The following PAPSS1 variants were observed in gnomAD, a reference collection of about 807,000 sequenced individuals.
PAPSS1 encodes 3'-phosphoadenosine 5'-phosphosulfate synthase 1, also known as bifunctional 3'-phosphoadenosine 5'-phosphosulfate synthase 1.
Under a neutral mutation model 72.0 loss-of-function variants are expected in PAPSS1, and 50 were observed. The observed-to-expected ratio is 0.69, with a 90% CI of 0.55 to 0.88. The LOEUF is 0.88. Among genes scored for constraint, PAPSS1 ranks in the 40% least tolerant of loss-of-function variants. PAPSS1 has a pLI of 0.00. For missense variants in PAPSS1, 657 were observed against 782.2 expected (o/e 0.84, Z 1.91); for synonymous variants, 261 against 263.6 (o/e 0.99, Z 0.09).
At chr4:107,704,551 ATCATAAAAGGT>A (rs1302549045) in intron 1 of PAPSS1, among the ~76,000 whole-genome samples, 2 of 152,196 alleles carry the variant, frequency 1.3e-5, no homozygotes, top group African/African-American at 4.8e-5. Flanking sequence ...GAGAGTTTTT[ATCATAAAAGGT>A]TAATGAACTC....
chr4:107,653,084 A>AAT (rs1189418947), intron 9 of PAPSS1, among the ~76,000 whole-genome samples: 14 of 148,872 alleles, frequency 9.4e-5, no homozygotes, highest in South Asian at 8.4e-4. Context: ...TACATATATG[A>AAT]ATATATATGA....
At position 107,613,831 on chromosome 4, in the gene PAPSS1, A is replaced by C. The variant is rs1186156323; in HGVS notation, c.*418T>G. 6.5e-6 allele frequency: 1 copy of C among 152,826 alleles called. No homozygotes were observed. Among genetic ancestry groups the C allele is most frequent in the Non-Finnish European group, 1.5e-5 (1 of 68,504 alleles). The allele number at this position is 152,826 out of a possible 1,614,324, so 9.5% of individuals were successfully genotyped here. A position where few individuals can be genotyped will look rare whatever the true frequency, so the allele number is the denominator to read the frequency against. Reference sequence around the variant, plus strand: ...TGTAGAAAAAAAATCTAATCGCTACAAAGGTCTTGTAAAATCCTCAAAACA... The same window carrying C: ...TGTAGAAAAAAAATCTAATCGCTACCAAGGTCTTGTAAAATCCTCAAAACA... On this transcript the variant is annotated 3_prime_UTR_variant, in exon 12 of 12. Coordinates refer to ENST00000265174, the MANE Select transcript of PAPSS1 (RefSeq NM_005443.5).
At chr4:107,665,416 C>G (rs954533620) in intron 5 of PAPSS1, among the ~76,000 whole-genome samples, 2 of 152,222 alleles carry the variant, frequency 1.3e-5, no homozygotes, top group Admixed American at 6.5e-5. Context: ...AGGATTTCCA[C>G]AGACACAGCT....
At chr4:107,697,555 G>A (rs1318129544) in intron 2 of PAPSS1, among the ~76,000 whole-genome samples, 1 of 152,128 alleles carries the variant, frequency 6.6e-6, no homozygotes, top group African/African-American at 2.4e-5. Context: ...ATACATACAT[G>A]TGTATTTATA....
intron 10 of PAPSS1, among the ~76,000 whole-genome samples, chr4:107,642,582 G>C (rs983329006): frequency 1.9e-4 from 29 of 152,168 alleles, no homozygotes; most frequent in Non-Finnish European, 3.4e-4. Flanking sequence ...AAAGCATTCA[G>C]AATATTGTCT....
rs1303470153 is a variant in PAPSS1 at position 107,614,255 on chromosome 4, T to C, written c.1869A>G (p.Lys623=). ...GAGTGACTGGGTTAACAGCCTAAGC[T>C]TTCTCCAAGGATTTGTAGTATTCTG... is the stretch of plus-strand genomic sequence containing the variant. ...VLTEYYKSLE[K]A is the part of the protein sequence containing the mutation. Residue 623 remains lysine (K), a synonymous_variant, in exon 12 of 12, where the codon AAA becomes AAG. Coordinates refer to ENST00000265174, the MANE Select transcript of PAPSS1 (RefSeq NM_005443.5). 2 of 1,613,324 alleles carry C rather than the reference T, an allele frequency of 1.2e-6. No homozygotes were observed. Among genetic ancestry groups the C allele is most frequent in the East Asian group, 2.2e-5 (1 of 44,842 alleles).
At chr4:107,670,260 A>G (rs563182821) in intron 5 of PAPSS1, among the ~76,000 whole-genome samples, 24 of 152,346 alleles carry the variant, frequency 1.6e-4, no homozygotes, top group Admixed American at 3.3e-4. Flanking sequence ...AAACTGTCCA[A>G]TCATCAGATT....
intron 11 of PAPSS1, 108 bp from the exon 12 acceptor site, chr4:107,614,495 T>A (rs188228280): frequency 1.4e-6 from 1 of 734,470 alleles, no homozygotes; most frequent in Non-Finnish European, 2.2e-6. Context: ...GAAAAAAAAA[T>A]ACTGAACATA....
intron 7 of PAPSS1, among the ~76,000 whole-genome samples, 172 bp from the exon 8 acceptor site, chr4:107,655,072 A>C (rs1324588194): frequency 6.6e-6 from 1 of 151,020 alleles, no homozygotes; most frequent in Non-Finnish European, 1.5e-5. Context: ...ACAAGCTATA[A>C]GGTCAGGGAG....
chr4:107,710,341 A>T (rs1205078280), intron 1 of PAPSS1, among the ~76,000 whole-genome samples: 5 of 152,140 alleles, frequency 3.3e-5, no homozygotes, highest in Non-Finnish European at 5.9e-5. Context: ...TATCTGGCTC[A>T]GTGTAAGTAT....
At chr4:107,690,466 A>G (rs1290207213) in intron 3 of PAPSS1, among the ~76,000 whole-genome samples, 2 of 152,164 alleles carry the variant, frequency 1.3e-5, no homozygotes, top group African/African-American at 2.4e-5. Context: ...TGATTCTCTC[A>G]TAACACCTTT....
At chr4:107,691,029 T>C (rs1318410307) in intron 3 of PAPSS1, among the ~76,000 whole-genome samples, 1 of 152,206 alleles carries the variant, frequency 6.6e-6, no homozygotes, top group Non-Finnish European at 1.5e-5. Context: ...TTATACACTT[T>C]AAACTGATAT....
chr4:107,656,201 C>T (rs1358547694), intron 7 of PAPSS1, among the ~76,000 whole-genome samples: 1 of 152,076 alleles, frequency 6.6e-6, no homozygotes, highest in Non-Finnish European at 1.5e-5. Flanking sequence ...CCACACCCTC[C>T]ACTTCCTAGG....
rs1723116003 is a variant in PAPSS1, at chr4:107,698,126, T to C, written c.175+3045A>G. Among the ~76,000 whole-genome samples the C allele has an allele frequency of 1.3e-5, 2 of 152,140 alleles. 1 individual carries two copies. Among genetic ancestry groups the C allele is most frequent in the South Asian group, 4.1e-4 (2 of 4,830 alleles). ...TTATGGCAGCCCTGGGAAGTTAATA[T>C]ACCAACCAATGTAGAAACACAAAAC... On this transcript the variant is annotated intron_variant, in intron 2 of 11. Coordinates refer to ENST00000265174, the MANE Select transcript of PAPSS1 (RefSeq NM_005443.5).
At chr4:107,641,147 T>C (rs1726530287) in intron 10 of PAPSS1, among the ~76,000 whole-genome samples, 1 of 152,198 alleles carries the variant, frequency 6.6e-6, no homozygotes, top group South Asian at 2.1e-4. Flanking sequence ...AGGCCTGCAT[T>C]GCCCAACTGT....
intron 2 of PAPSS1, among the ~76,000 whole-genome samples, chr4:107,698,987 A>G (rs1273744140): frequency 6.6e-6 from 1 of 152,114 alleles, no homozygotes. Flanking sequence ...TCCCGTCCCA[A>G]TTGAGGAAGG....
chr4:107,647,875 C>CAGAT (rs1726735415), intron 9 of PAPSS1, among the ~76,000 whole-genome samples: 1 of 152,160 alleles, frequency 6.6e-6, no homozygotes, highest in Admixed American at 6.5e-5. Context: ...CGCACACATA[C>CAGAT]AGATGGCTTC....
intron 11 of PAPSS1, among the ~76,000 whole-genome samples, chr4:107,619,371 AGTG>A (rs1336316281): frequency 6.6e-6 from 1 of 152,174 alleles, no homozygotes. Flanking sequence ...ACTTCCACAT[AGTG>A]GTGGTTCCAC....
intron 1 of PAPSS1, chr4:107,719,695 C>A: frequency 1.6e-6 from 1 of 607,774 alleles, no homozygotes; most frequent in Non-Finnish European, 2.1e-6. Flanking sequence ...AAGAACGCGT[C>A]GAAGGCGCCC....
Sources: allele counts gnomAD v4.1 joint callset (sites outside exome capture counted in the v4.1 genomes callset), GRCh38; gene constraint gnomAD v4.1.1; transcripts MANE v1.5; gene names NCBI Gene and HGNC (gene_info 2026-07-23, HGNC 2026-07-21).